The following ZC3H13 variants were observed in gnomAD, a reference collection of about 807,000 sequenced individuals.
ZC3H13 encodes the protein zinc finger CCCH domain-containing protein 13.
In ZC3H13, 64 loss-of-function variants were observed where a neutral mutation model predicts 204.1. The observed-to-expected ratio is 0.31, with a 90% CI of 0.26 to 0.39. The LOEUF (loss-of-function observed/expected upper bound fraction) is 0.39, where lower values mean the gene tolerates loss of function less well. Among genes scored for constraint, ZC3H13 ranks in the 10% least tolerant of loss-of-function variants. The pLI, the probability that ZC3H13 is intolerant of heterozygous loss-of-function variation, is 1.00. For missense variants in ZC3H13, 1,833 were observed against 2,082.7 expected (o/e 0.88, Z 2.33); for synonymous variants, 667 against 693.7 (o/e 0.96, Z 0.60).
At chr13:45,969,997 A>G (rs765026161) in intron 13 of ZC3H13, 26 bp from the exon 14 acceptor site, 1 of 1,576,326 alleles carries the variant, frequency 6.3e-7, no homozygotes, top group Non-Finnish European at 8.6e-7. Flanking sequence ...AAGCAATCAC[A>G]CTCTCACCAG....
At chr13:45,984,692 G>A (rs1393724563) in intron 10 of ZC3H13, among the ~76,000 whole-genome samples, 1 of 152,190 alleles carries the variant, frequency 6.6e-6, no homozygotes, top group Non-Finnish European at 1.5e-5. Context: ...AAGTTCTGCA[G>A]CAGTGTTTGG....
At chr13:46,005,156 TACTC>T in intron 7 of ZC3H13, among the ~76,000 whole-genome samples, 1 of 152,186 alleles carries the variant, frequency 6.6e-6, no homozygotes. Context: ...CCTTGAAAAT[TACTC>T]ACTGGAAAAA....
intron 10 of ZC3H13, among the ~76,000 whole-genome samples, chr13:45,983,304 T>A (rs1953827413): frequency 7.1e-6 from 1 of 140,846 alleles, no homozygotes; most frequent in Non-Finnish European, 1.5e-5. Flanking sequence ...CTTAACACAA[T>A]AAAAAGTATC....
Position 45,975,747 on chromosome 13 carries a change from C to T in ZC3H13, c.2004G>A (p.Val668=). The change falls in exon 12 of 19, where the codon GTG becomes GTA. Residue 668 remains valine, a synonymous_variant. Transcript: ENST00000679008. The part of the protein sequence containing the change: ...ERREERRVDR[V]DDRRDERARE... ...TAGCCCTTTCATCTCTCCTATCATC[C>T]ACTCTGTCTACTCTTCGTTCCTCTC... is the stretch of plus-strand genomic sequence containing the variant. 1 of 1,613,900 alleles carries T rather than the reference C, an allele frequency of 6.2e-7. No individual in the cohort carries two copies. Among genetic ancestry groups the T allele is most frequent in the Non-Finnish European group, 8.5e-7 (1 of 1,179,906 alleles).
intron 4 of ZC3H13, 121 bp downstream of exon 4, chr13:46,042,043 T>C (rs1433937506): frequency 2.8e-6 from 2 of 720,462 alleles, no homozygotes; most frequent in African/African-American, 1.8e-5. Flanking sequence ...ATTATCCATA[T>C]AGAACATTAT....
chr13:46,003,034 A>G (rs2040863147), intron 8 of ZC3H13, 105 bp downstream of exon 8: 1 of 1,096,078 alleles, frequency 9.1e-7, no homozygotes, highest in South Asian at 1.5e-5. Flanking sequence ...ACTATTGTAA[A>G]CAAAACTAAA....
chr13:46,002,141 C>T (rs1030101007), intron 8 of ZC3H13, among the ~76,000 whole-genome samples: 1 of 152,034 alleles, frequency 6.6e-6, no homozygotes, highest in African/African-American at 2.4e-5. Context: ...GGCCGACAAG[C>T]ACATGAAAGG....
chr13:46,036,448 G>A (rs544672925), intron 4 of ZC3H13, among the ~76,000 whole-genome samples: 1 of 152,198 alleles, frequency 6.6e-6, no homozygotes, highest in East Asian at 1.9e-4. Flanking sequence ...TGATCTGTTT[G>A]AAGGTAAGCA....
chr13:45,983,402 TATATATATA>T (rs1307445824), intron 10 of ZC3H13, among the ~76,000 whole-genome samples: 1 of 18,042 alleles, frequency 5.5e-5, no homozygotes, highest in East Asian at 6.8e-3. Context: ...CCCTTCTACT[TATATATATA>T]TATTTTTTTT....
At chr13:46,032,997 A>ATG (rs386379032) in intron 4 of ZC3H13, among the ~76,000 whole-genome samples, 2 of 152,028 alleles carry the variant, frequency 1.3e-5, no homozygotes, top group African/African-American at 2.4e-5. Context: ...AAATATATAT[A>ATG]TGTGTGTATT....
At chr13:45,974,722 T>C (rs570622953) in intron 12 of ZC3H13, among the ~76,000 whole-genome samples, 4 of 152,088 alleles carry the variant, frequency 2.6e-5, no homozygotes, top group African/African-American at 9.7e-5. Context: ...TACAAGCACA[T>C]AAAAGTCATG....
At chr13:46,011,369 ATGC>A (rs1566279088) in intron 6 of ZC3H13, 43 bp downstream of exon 6, 5 of 1,535,496 alleles carry the variant, frequency 3.3e-6, no homozygotes, top group African/African-American at 2.8e-5. Flanking sequence ...ATCAATACAA[ATGC>A]TGCTATTAAG....
At chr13:46,006,396 G>GT (rs931943449) in intron 7 of ZC3H13, among the ~76,000 whole-genome samples, 2 of 151,858 alleles carry the variant, frequency 1.3e-5, no homozygotes, top group Non-Finnish European at 2.9e-5. Flanking sequence ...GTTGTTCACA[G>GT]TTTTTTTCCC....
At position 46,052,744 on chromosome 13, in the gene ZC3H13, T is replaced by C. The variant is rs984699106; in HGVS notation, c.-350A>G. The C allele has an allele frequency of 1.5e-5, 6 of 396,944 alleles. No individual in the cohort carries two copies. The highest frequency in any genetic ancestry group is 2.7e-5 in the Non-Finnish European group (6 of 225,362). The allele number at this position is 396,944 out of a possible 1,614,324, so 24.6% of individuals were successfully genotyped here. A position where few individuals can be genotyped will look rare whatever the true frequency, so the allele number is the denominator to read the frequency against. On this transcript the variant is annotated 5_prime_UTR_variant, in exon 1 of 19. Coordinates refer to ENST00000679008, the MANE Select transcript of ZC3H13 (RefSeq NM_001330564.2). Reference sequence around the variant, plus strand: ...TCAAAATGCCGCCGGAAGTCAGAGGTTTGCCCTGTTCCTCTGTAGACCCAG... The same window carrying C: ...TCAAAATGCCGCCGGAAGTCAGAGGCTTGCCCTGTTCCTCTGTAGACCCAG...
At chr13:45,970,721 A>C (rs1224638319) in intron 12 of ZC3H13, among the ~76,000 whole-genome samples, 1 of 152,182 alleles carries the variant, frequency 6.6e-6, no homozygotes, top group African/African-American at 2.4e-5. Flanking sequence ...TCAAGTGAAA[A>C]TTGCCAGATT....
At position 46,003,695 on chromosome 13, in the gene ZC3H13, T is replaced by A. The variant is rs535082746; in HGVS notation, c.747-359A>T. 3.3e-5 allele frequency among the ~76,000 whole-genome samples: 5 copies of A among 152,288 alleles called. No homozygotes were observed. In the East Asian group the frequency reaches 9.6e-4, roughly 29 times the overall value. ...AGAAAGTAAAAATCACCTATAATTC[T>A]ACTACTCAAAGAGAACTATTTTTAA... On this transcript the variant is annotated intron_variant, in intron 7 of 18. Transcript: ENST00000679008.
chr13:45,970,347 A>G lies in ZC3H13; in HGVS notation c.2572+15T>C. 6.2e-7 allele frequency: 1 copy of G among 1,611,742 alleles called. No individual in the cohort carries two copies. The highest frequency in any genetic ancestry group is 8.5e-7 in the Non-Finnish European group (1 of 1,178,104). Reference sequence around the variant, plus strand: ...GAATATGAATATAGAGAGACAGAAAACAGAGTCTGCTTACTTTTATCATCT... The same window carrying G: ...GAATATGAATATAGAGAGACAGAAAGCAGAGTCTGCTTACTTTTATCATCT... On this transcript the variant is annotated intron_variant, in intron 13 of 18. Transcript: ENST00000679008.
Position 45,969,740 on chromosome 13 carries a change from T to C in ZC3H13, c.2804A>G (p.Gln935Arg). The C allele has an allele frequency of 6.2e-7, 1 of 1,613,962 alleles. No homozygotes were observed. Among genetic ancestry groups the C allele is most frequent in the Non-Finnish European group, 8.5e-7 (1 of 1,180,020 alleles). ...AGACTGGTGGTGTCCTATAATGTCC[T>C]GTGCACGCATTCTTGAGCTTTCCAG... ...EILESSRMRA[Q>R]DIIGHHQSED... Residue 935 changes from glutamine (Q) to arginine (R), a missense_variant, in exon 14 of 19, where the codon CAG becomes CGG. By Grantham distance (43) the Gln-to-Arg change is conservative. Coordinates refer to ENST00000679008, the MANE Select transcript of ZC3H13 (RefSeq NM_001330564.2).
chr13:46,025,826 A>T (rs576557475), intron 4 of ZC3H13, among the ~76,000 whole-genome samples: 3 of 152,188 alleles, frequency 2.0e-5, no homozygotes, highest in Admixed American at 1.3e-4. Context: ...TATTAATTTT[A>T]AAAAGATTAG....
Sources: allele counts gnomAD v4.1 joint callset (sites outside exome capture counted in the v4.1 genomes callset), GRCh38; gene constraint gnomAD v4.1.1; transcripts MANE v1.5; gene names NCBI Gene and HGNC (gene_info 2026-07-23, HGNC 2026-07-21).